KCNT1: variants seen among roughly 807,000 people sequenced by gnomAD.
KCNT1 encodes potassium sodium-activated channel subfamily T member 1, also known as potassium channel subfamily T member 1.
In KCNT1, 78 loss-of-function variants were observed where a neutral mutation model predicts 147.8. The ratio of observed to expected loss-of-function variants is 0.53; its 90% confidence interval spans 0.44 to 0.64. The LOEUF (loss-of-function observed/expected upper bound fraction) is 0.64, where lower values mean the gene tolerates loss of function less well. Among genes scored for constraint, KCNT1 ranks in the 30% least tolerant of loss-of-function variants. The pLI is 0.00. For missense variants in KCNT1, 1,419 were observed against 1,750.3 expected (o/e 0.81, Z 3.38); for synonymous variants, 867 against 748.8 (o/e 1.16, Z -2.58).
chr9:135,766,506 G>A (rs1188865056), intron 13 of KCNT1, among the ~76,000 whole-genome samples: 4 of 149,580 alleles, frequency 2.7e-5, no homozygotes, highest in Non-Finnish European at 4.5e-5. Flanking sequence ...TCTGGGGTGG[G>A]CCATCCATGG....
chr9:135,786,057 T>C, intron 28 of KCNT1, 140 bp from the exon 29 acceptor site: 1 of 706,986 alleles, frequency 1.4e-6, no homozygotes, highest in Non-Finnish European at 2.3e-6. Context: ...GTCGTCGTCC[T>C]CTTCCCTAAC....
rs375237065 is a variant in KCNT1 at position 135,757,394 on chromosome 9, G to C, written c.759+13G>C. 4 of 1,602,860 alleles carry C rather than the reference G, an allele frequency of 2.5e-6. No homozygotes were observed. The highest frequency in any genetic ancestry group is 1.6e-4 in the Middle Eastern group (1 of 6,074). On this transcript the variant is annotated intron_variant, in intron 9 of 30. Transcript: ENST00000371757. ...GGAAAACATGATTGTAAGCCGGGGC[G>C]GGGGGTGCAGCTGGGACTTGGGGGG... is the stretch of plus-strand genomic sequence containing the variant.
intron 2 of KCNT1, among the ~76,000 whole-genome samples, chr9:135,733,643 C>G (rs2131367762): frequency 7.3e-6 from 1 of 137,816 alleles, no homozygotes; most frequent in South Asian, 2.6e-4. Context: ...TCACACTGCC[C>G]AGCCCTGCAC....
chr9:135,742,314 G>A (rs1295787148), intron 2 of KCNT1, among the ~76,000 whole-genome samples: 1 of 152,242 alleles, frequency 6.6e-6, no homozygotes, highest in Non-Finnish European at 1.5e-5. Flanking sequence ...CTGGATGCTG[G>A]GGACCACACA....
At chr9:135,756,697 C>T (rs1038525269) in intron 6 of KCNT1, among the ~76,000 whole-genome samples, 176 bp from the exon 7 acceptor site, 1 of 152,116 alleles carries the variant, frequency 6.6e-6, no homozygotes, top group Non-Finnish European at 1.5e-5. Flanking sequence ...TCGGCCCTGG[C>T]GGGGGTCAGC....
At position 135,768,455 on chromosome 9, in the gene KCNT1, T is replaced by TTCCATCCTCC. The variant is rs1564366979; in HGVS notation, c.1338-155_1338-154insTCCATCCTCC. On this transcript the variant is annotated intron_variant, in intron 13 of 30. Transcript: ENST00000371757. ...TCCATCCTCCCCGCCTTCCATCCTC[T>TTCCATCCTCC]CCGCCTTCCATCCAGCCGTCCTCTC... is the stretch of plus-strand genomic sequence containing the variant. The TTCCATCCTCC allele has an allele frequency of 1.1e-5, 6 of 546,512 alleles. No homozygotes were observed. In the African/African-American group the frequency reaches 1.2e-4, roughly 11 times the overall value. The allele number at this position is 546,512 out of a possible 1,614,324, so 33.9% of individuals were successfully genotyped here.
intron 23 of KCNT1, 78 bp from the exon 24 acceptor site, chr9:135,779,281 C>A: frequency 1.2e-6 from 1 of 861,676 alleles, no homozygotes; most frequent in Non-Finnish European, 1.9e-6. Context: ...ACCCCCACAG[C>A]CACATGATCA....
chr9:135,787,565 G>A (rs951692295), intron 29 of KCNT1, among the ~76,000 whole-genome samples: 7 of 152,212 alleles, frequency 4.6e-5, no homozygotes, highest in Non-Finnish European at 8.8e-5. Flanking sequence ...AGCAGAGTCA[G>A]GAGCTCACGG....
chr9:135,752,448 A>C lies in KCNT1; in HGVS notation c.434+1407A>C, dbSNP rs1831229607. On this transcript the variant is annotated intron_variant, in intron 4 of 30. Transcript: ENST00000371757. The surrounding 1 kb of genome is among the most constrained non-coding windows in gnomAD (Gnocchi z 5.1). ...CTGGGCCCTGACTGACTCTCAAGCT[A>C]CTTTCCTAGGTCACTCCCCACCCCA... 2.2e-6 allele frequency: 1 copy of C among 456,348 alleles called. No homozygotes were observed. The highest frequency in any genetic ancestry group is 4.4e-6 in the Non-Finnish European group (1 of 226,868). 28.3% of individuals were successfully genotyped at this position (456,348 alleles called of 1,614,324 possible).
At chr9:135,762,008 C>T (rs1260638033) in intron 11 of KCNT1, among the ~76,000 whole-genome samples, 1 of 152,250 alleles carries the variant, frequency 6.6e-6, no homozygotes, top group African/African-American at 2.4e-5. Context: ...GACCGTGGCA[C>T]CCACGGGTAA....
chr9:135,735,972 C>T (rs1377125872), intron 2 of KCNT1, among the ~76,000 whole-genome samples: 7 of 152,240 alleles, frequency 4.6e-5, no homozygotes, highest in African/African-American at 1.2e-4. Flanking sequence ...GTGAGATGTG[C>T]GGGCCCAGCC....
At chr9:135,706,191 A>G (rs1353291675) in intron 1 of KCNT1, among the ~76,000 whole-genome samples, 2 of 152,164 alleles carry the variant, frequency 1.3e-5, no homozygotes, top group Non-Finnish European at 2.9e-5. Context: ...GGTTGTGTTG[A>G]GCCCATGCTG....
At position 135,781,936 on chromosome 9, in the gene KCNT1, G is replaced by A. The variant is rs150851989; in HGVS notation, c.2842-2088G>A. On this transcript the variant is annotated intron_variant, in intron 24 of 30. Transcript: ENST00000371757. ...CATCTATACAAAAAATTTAATGGCT[G>A]GGGGCGGTGGCTCATGCCTGTAATC... Among the ~76,000 whole-genome samples, 1,143 of 152,214 alleles carry A rather than the reference G, an allele frequency of 7.5e-3. 44 individuals carry two copies. Among genetic ancestry groups the A allele is most frequent in the Admixed American group, 0.069 (1,054 of 15,286 alleles).
At chr9:135,771,714 C>T (rs1417814014) in intron 18 of KCNT1, among the ~76,000 whole-genome samples, 1 of 152,188 alleles carries the variant, frequency 6.6e-6, no homozygotes, top group Non-Finnish European at 1.5e-5. Context: ...GTCAGGCTGC[C>T]TCTGAGCAGG....
chr9:135,743,718 G>A (rs1030302067), intron 2 of KCNT1, among the ~76,000 whole-genome samples: 4 of 152,232 alleles, frequency 2.6e-5, no homozygotes, highest in South Asian at 2.1e-4. Flanking sequence ...AGTGTGTGCC[G>A]CCGTGGCACG....
At chr9:135,771,514 G>T (rs1001082603) in intron 18 of KCNT1, among the ~76,000 whole-genome samples, 7 of 152,256 alleles carry the variant, frequency 4.6e-5, no homozygotes, top group Non-Finnish European at 7.3e-5. Context: ...GGACCGGTTG[G>T]CAGCTCAACC....
intron 1 of KCNT1, among the ~76,000 whole-genome samples, chr9:135,707,802 C>T (rs958095690): frequency 5.3e-5 from 8 of 152,192 alleles, no homozygotes; most frequent in South Asian, 2.1e-4. Context: ...CTCTTCCCGC[C>T]GGGCTGGGAG....
intron 13 of KCNT1, among the ~76,000 whole-genome samples, chr9:135,765,965 G>A (rs931309659): frequency 6.6e-6 from 1 of 152,070 alleles, no homozygotes; most frequent in Non-Finnish European, 1.5e-5. Flanking sequence ...GTCTGGGGTG[G>A]ACCATTCAGG....
At chr9:135,737,982 C>T (rs1231885676) in intron 2 of KCNT1, among the ~76,000 whole-genome samples, 1 of 152,192 alleles carries the variant, frequency 6.6e-6, no homozygotes, top group Non-Finnish European at 1.5e-5. Context: ...CCCTCCTCTT[C>T]CTGGATGCTG....
Sources: gnomAD v4.1 joint callset for allele counts (sites outside exome capture counted in the v4.1 genomes callset) on GRCh38, gnomAD v4.1.1 for gene constraint, Gnocchi (gnomAD v3.1) non-coding constraint, MANE v1.5 for transcripts, NCBI Gene and HGNC (gene_info 2026-07-23, HGNC 2026-07-21) for gene names.